DEUP1: variants seen among roughly 807,000 people sequenced by gnomAD.
DEUP1 encodes the protein deuterosome assembly protein 1, also known as coiled-coil domain containing 67.
In DEUP1, 82 loss-of-function variants were observed where a neutral mutation model predicts 87.4. The observed-to-expected ratio is 0.94, with a 90% CI of 0.78 to 1.13. The LOEUF is 1.13. Ranked by LOEUF, DEUP1 falls within the 50% of genes most tolerant of loss-of-function variation. The pLI, the probability that DEUP1 is intolerant of heterozygous loss-of-function variation, is 0.00. For synonymous variants in DEUP1, 214 were observed against 222.7 expected (o/e 0.96, Z 0.35); for missense variants, 663 against 681.5 (o/e 0.97, Z 0.30).
chr11:93,379,409 T>C (rs1302515934), intron 7 of DEUP1, among the ~76,000 whole-genome samples: 1 of 152,166 alleles, frequency 6.6e-6, no homozygotes, highest in Non-Finnish European at 1.5e-5. Context: ...AAAGAAAAAA[T>C]GCTGCAAACA....
intron 7 of DEUP1, among the ~76,000 whole-genome samples, chr11:93,372,568 T>G (rs1945793925): frequency 6.6e-6 from 1 of 152,164 alleles, no homozygotes; most frequent in South Asian, 2.1e-4. Context: ...CTTTAACTTC[T>G]TTCTCTGCCA....
chr11:93,386,016 G>A (rs1271846578), intron 8 of DEUP1, among the ~76,000 whole-genome samples: 1 of 151,202 alleles, frequency 6.6e-6, no homozygotes, highest in Non-Finnish European at 1.5e-5. Context: ...TCGTGCCACT[G>A]TACACCAGCC....
At chr11:93,383,378 GT>G (rs1565323604) in intron 7 of DEUP1, 1 of 402,194 alleles carries the variant, frequency 2.5e-6, no homozygotes, top group Non-Finnish European at 4.4e-6. Context: ...AGGCCACATA[GT>G]GTATGACACC....
At chr11:93,375,598 A>G (rs531020686) in intron 7 of DEUP1, among the ~76,000 whole-genome samples, 9 of 152,198 alleles carry the variant, frequency 5.9e-5, no homozygotes, top group East Asian at 1.9e-4. Context: ...ATTGACTTGC[A>G]TATGTTAAAC....
intron 11 of DEUP1, among the ~76,000 whole-genome samples, chr11:93,402,423 A>G (rs1056447865): frequency 1.3e-5 from 2 of 152,056 alleles, no homozygotes; most frequent in African/African-American, 2.4e-5. Flanking sequence ...GTAAATTAGT[A>G]TAGCACCTAT....
At chr11:93,342,758 G>C (rs999002471) in intron 2 of DEUP1, among the ~76,000 whole-genome samples, 1 of 152,168 alleles carries the variant, frequency 6.6e-6, no homozygotes, top group African/African-American at 2.4e-5. Context: ...AATCAATAAG[G>C]CTGACTCGGA....
At chr11:93,429,868 T>C (rs1948048836) in intron 13 of DEUP1, among the ~76,000 whole-genome samples, 1 of 152,162 alleles carries the variant, frequency 6.6e-6, no homozygotes, top group African/African-American at 2.4e-5. Context: ...GAGAAAATTC[T>C]CAACTCTTCT....
intron 2 of DEUP1, among the ~76,000 whole-genome samples, chr11:93,342,488 G>C (rs948395967): frequency 6.6e-6 from 1 of 152,170 alleles, no homozygotes; most frequent in Admixed American, 6.5e-5. Flanking sequence ...AGGAAACCAG[G>C]CATGTGTCCT....
chr11:93,345,092 A>C (rs1052188285), intron 2 of DEUP1, among the ~76,000 whole-genome samples: 1 of 152,122 alleles, frequency 6.6e-6, no homozygotes, highest in African/African-American at 2.4e-5. Flanking sequence ...TCCCACTTAT[A>C]AGTGAGAACA....
Position 93,389,101 on chromosome 11 carries a change from A to C in DEUP1, c.1017A>C (p.Pro339=), listed in dbSNP as rs200578846. 5.0e-6 allele frequency: 8 copies of C among 1,595,018 alleles called. No homozygotes were observed. Among genetic ancestry groups the C allele is most frequent in the Non-Finnish European group, 6.8e-6 (8 of 1,169,768 alleles). The change falls in exon 9 of 14, where the codon CCA becomes CCC. Residue 339 remains proline (P), a synonymous_variant. Transcript: ENST00000298050. Reference sequence around the variant, plus strand: ...TGTTTTCAGTGATGCAAGATCAACCAAATCATGAAAAAGAATTGAACAAGG... The same window carrying C: ...TGTTTTCAGTGATGCAAGATCAACCCAATCATGAAAAAGAATTGAACAAGG... ...KELFSVMQDQ[P]NHEKELNKIR... is the part of the protein sequence containing the mutation.
At chr11:93,353,382 C>A (rs1164013873) in intron 2 of DEUP1, among the ~76,000 whole-genome samples, 1 of 152,208 alleles carries the variant, frequency 6.6e-6, no homozygotes, top group African/African-American at 2.4e-5. Context: ...GCTGCTTTCA[C>A]AGGCTGGCAT....
chr11:93,404,567 A>G lies in DEUP1; in HGVS notation c.1327-3664A>G, dbSNP rs1320723433. ...ATCATTAAAGCCAGTCTTTCTGTCA[A>G]AATGCTTTTTTAGCATAATTGTTAC... On this transcript the variant is annotated intron_variant, in intron 11 of 13. Coordinates refer to ENST00000298050, the MANE Select transcript of DEUP1 (RefSeq NM_181645.4). 5.9e-5 allele frequency among the ~76,000 whole-genome samples: 9 copies of G among 152,228 alleles called. No homozygotes were observed. In the East Asian group the frequency reaches 1.7e-3, roughly 29 times the overall value.
chr11:93,388,665 G>C (rs559794493), intron 8 of DEUP1, among the ~76,000 whole-genome samples: 6 of 152,242 alleles, frequency 3.9e-5, no homozygotes, highest in Non-Finnish European at 7.4e-5. Context: ...AGCAAGTTGG[G>C]TGTGTTTCCT....
Position 93,437,881 on chromosome 11 carries a change from C to T in DEUP1, c.*162C>T. ...GCTAGAAAATAGTAAGTATTTTGTT[C>T]TATAAAGCTGTTCACATTTCTGCAT... On this transcript the variant is annotated 3_prime_UTR_variant, in exon 14 of 14. Coordinates refer to ENST00000298050, the MANE Select transcript of DEUP1 (RefSeq NM_181645.4). 1 of 537,224 alleles carries T rather than the reference C, an allele frequency of 1.9e-6. No individual in the cohort carries two copies. The highest frequency in any genetic ancestry group is 3.3e-6 in the Non-Finnish European group (1 of 298,522). The allele number at this position is 537,224 out of a possible 1,614,324, so 33.3% of individuals were successfully genotyped here. A position where few individuals can be genotyped will look rare whatever the true frequency, so the allele number is the denominator to read the frequency against.
intron 2 of DEUP1, among the ~76,000 whole-genome samples, chr11:93,340,488 C>T (rs1019041143): frequency 3.3e-5 from 5 of 152,172 alleles, no homozygotes; most frequent in African/African-American, 1.2e-4. Context: ...CTTCAGATTT[C>T]ACTGTGTAAA....
chr11:93,398,032 T>G (rs1227590221), intron 11 of DEUP1, among the ~76,000 whole-genome samples: 1 of 152,114 alleles, frequency 6.6e-6, no homozygotes, highest in Non-Finnish European at 1.5e-5. Flanking sequence ...TCTACCCGCA[T>G]TATACCCCCT....
upstream of DEUP1, chr11:93,330,248 G>A (rs1020679064): frequency 2.7e-5 from 4 of 149,358 alleles, no homozygotes; most frequent in African/African-American, 9.8e-5. Flanking sequence ...TTGGGTAAGA[G>A]GAAAGAGGGC....
At chr11:93,379,531 A>G (rs555905509) in intron 7 of DEUP1, among the ~76,000 whole-genome samples, 1 of 152,314 alleles carries the variant, frequency 6.6e-6, no homozygotes, top group African/African-American at 2.4e-5. Flanking sequence ...ACTTATCACA[A>G]TGACACACTC....
At chr11:93,383,447 T>C in intron 7 of DEUP1, 4 of 488,872 alleles carry the variant, frequency 8.2e-6, no homozygotes, top group Non-Finnish European at 1.4e-5. Context: ...AGATTAGTGG[T>C]TGCTAGGAGC....
Sources: gnomAD v4.1 joint callset for allele counts (sites outside exome capture counted in the v4.1 genomes callset) on GRCh38, gnomAD v4.1.1 for gene constraint, MANE v1.5 for transcripts, NCBI Gene and HGNC (gene_info 2026-07-23, HGNC 2026-07-21) for gene names.